Variants in NACC1 observed in about 807,000 individuals in gnomAD.
NACC1 encodes nucleus accumbens-associated protein 1.
NACC1 carries 6 observed loss-of-function variants against 41.7 expected under a neutral mutation model. The observed-to-expected ratio is 0.14, with a 90% CI of 0.08 to 0.28. The LOEUF is 0.28. NACC1 is among the 10% of genes least tolerant of loss of function. The pLI, the probability that NACC1 is intolerant of heterozygous loss-of-function variation, is 1.00. For synonymous variants in NACC1, 338 were observed against 330.6 expected (o/e 1.02, Z -0.24); for missense variants, 434 against 763.7 (o/e 0.57, Z 5.09).
In NACC1 at chr19:13,137,598, G is replaced by A. The variant is rs1442657890; in HGVS notation, c.1324+23G>A. 3 of 1,543,532 alleles carry A rather than the reference G, an allele frequency of 1.9e-6. No homozygotes were observed. Among genetic ancestry groups the A allele is most frequent in the African/African-American group, 1.4e-5 (1 of 73,002 alleles). On this transcript the variant is annotated intron_variant, in intron 5 of 5. Transcript: ENST00000292431. The surrounding 1 kb of genome is among the most constrained non-coding windows in gnomAD (Gnocchi z 6.1). The stretch of plus-strand genomic sequence containing the variant: ...AGTGTGAGTGTTGGCCCAGCTGGAC[G>A]AGGCGTGGGCCCGGGGCACGCAGGT...
rs765164702 is a variant in NACC1 at position 13,138,413 on chromosome 19, C to G, written c.*7C>G. On this transcript the variant is annotated 3_prime_UTR_variant, in exon 6 of 6. Coordinates refer to ENST00000292431, the MANE Select transcript of NACC1 (RefSeq NM_052876.4). The surrounding 1 kb of genome is among the most constrained non-coding windows in gnomAD (Gnocchi z 5.7). The stretch of plus-strand genomic sequence containing the variant: ...GGCTGAAGCCCTGCAGTAACCCGCC[C>G]AGCCTCCCGCGGGGCCACACACTTC... 3.1e-6 allele frequency: 5 copies of G among 1,607,758 alleles called. No individual in the cohort carries two copies. The African/African-American group carries it at 6.7e-5, about 21-fold the overall frequency.
chr19:13,129,149 T>A (rs1599990709), intron 1 of NACC1, among the ~76,000 whole-genome samples: 2 of 151,908 alleles, frequency 1.3e-5, no homozygotes, highest in African/African-American at 4.8e-5. Context: ...CCAGGCAGGG[T>A]GCACAGCTTG....
At position 13,135,749 on chromosome 19, in the gene NACC1, T is replaced by G; in HGVS notation, c.542T>G (p.Val181Gly). The G allele has an allele frequency of 1.3e-6, 2 of 1,559,808 alleles. No homozygotes were observed. The highest frequency in any genetic ancestry group is 8.7e-7 in the Non-Finnish European group (1 of 1,153,898). Residue 181 changes from valine to glycine, a missense_variant, in exon 2 of 6, where the codon GTG becomes GGG. This residue lies in a region of NACC1 where 234 missense variants were observed against 308.3 expected (regional missense o/e 0.76). Coordinates refer to ENST00000292431, the MANE Select transcript of NACC1 (RefSeq NM_052876.4). ...TCGGACTCCGTGCAGTGCATGCCCG[T>G]GGCCAAGCGGCTGTGGGACAGTGGC... ...QESDSVQCMP[V>G]AKRLWDSGQK... is the part of the protein sequence containing the mutation.
At position 13,138,353 on chromosome 19, in the gene NACC1, G is replaced by A. The variant is rs767257172; in HGVS notation, c.1531G>A (p.Glu511Lys). The change falls in exon 6 of 6, where the codon GAG becomes AAG. Residue 511 changes from glutamate (E) to lysine (K), a missense_variant. Transcript: ENST00000292431. The surrounding 1 kb of genome is among the most constrained non-coding windows in gnomAD (Gnocchi z 5.7). ...PDMMGVEHGFETASHEGEAGP... is the reference protein window; with the variant it reads ...PDMMGVEHGFKTASHEGEAGP... ...CATGATGGGTGTGGAGCATGGCTTC[G>A]AGACCGCCAGCCACGAGGGCGAGGC... is the stretch of plus-strand genomic sequence containing the variant. The A allele has an allele frequency of 9.9e-6, 16 of 1,613,554 alleles. No homozygotes were observed. The highest frequency in any genetic ancestry group is 1.7e-5 in the Admixed American group (1 of 60,002).
intron 1 of NACC1, among the ~76,000 whole-genome samples, chr19:13,122,534 G>GT (rs1175630398): frequency 1.3e-5 from 2 of 150,644 alleles, no homozygotes; most frequent in African/African-American, 4.9e-5. Flanking sequence ...GGGGGGGGGG[G>GT]GGTGTGCTGC....
At chr19:13,127,683 A>T (rs1206020265) in intron 1 of NACC1, among the ~76,000 whole-genome samples, 1 of 144,244 alleles carries the variant, frequency 6.9e-6, no homozygotes, top group Non-Finnish European at 1.5e-5. Flanking sequence ...CTCTGCCTCA[A>T]AAAAAAAAAG....
chr19:13,127,370 A>ATTTTTTT (rs1491187460), intron 1 of NACC1, among the ~76,000 whole-genome samples: 4 of 44,818 alleles, frequency 8.9e-5, no homozygotes, highest in Admixed American at 2.5e-4. Context: ...ATATACATAT[A>ATTTTTTT]CTTTTTTTTT....
Position 13,136,009 on chromosome 19 carries a change from A to G in NACC1, c.802A>G (p.Ser268Gly). 1 of 1,613,450 alleles carries G rather than the reference A, an allele frequency of 6.2e-7. No homozygotes were observed. Among genetic ancestry groups the G allele is most frequent in the Non-Finnish European group, 8.5e-7 (1 of 1,179,816 alleles). Residue 268 changes from serine to glycine, a missense_variant, in exon 2 of 6, where the codon AGC becomes GGC. By Grantham distance (56) the Ser-to-Gly change is moderately conservative. Around this residue, in one of 4 missense-constraint regions of NACC1, gnomAD observed 234 missense variants for 308.3 expected, o/e 0.76. Coordinates refer to ENST00000292431, the MANE Select transcript of NACC1 (RefSeq NM_052876.4). The surrounding 1 kb of genome is among the most constrained non-coding windows in gnomAD (Gnocchi z 5.5). Reference sequence around the variant, plus strand: ...GGAGCGGACCAGCCCAGGCACCTCAAGCGCCTACACCAGCGACAGCCCTGG... The same window carrying G: ...GGAGCGGACCAGCCCAGGCACCTCAGGCGCCTACACCAGCGACAGCCCTGG... ...TSERTSPGTS[S>G]AYTSDSPGSY...
In NACC1 at chr19:13,138,620, T is replaced by G; in HGVS notation, c.*214T>G. ...CAGGTGGCGTGAGGTCCGTGTTGCC[T>G]TCTTTAACACACACTCGTGCAGTGG... On this transcript the variant is annotated 3_prime_UTR_variant, in exon 6 of 6. Transcript: ENST00000292431. This position sits in a 1 kb window ranked among gnomAD's most constrained non-coding sequence, Gnocchi z 5.7. 1.5e-6 allele frequency: 1 copy of G among 652,214 alleles called. No homozygotes were observed. The highest frequency in any genetic ancestry group is 3.0e-5 in the Admixed American group (1 of 33,898). 40.4% of individuals were successfully genotyped at this position (652,214 alleles called of 1,614,324 possible).
chr19:13,138,221 G>A lies in NACC1; in HGVS notation c.1399G>A (p.Ala467Thr). ...NAIAADMCTN[A>T]RRVVRKSWMP... Reference sequence around the variant, plus strand: ...CATCGCGGCCGACATGTGCACCAACGCCCGCCGCGTCGTGCGCAAGAGCTG... The same window carrying A: ...CATCGCGGCCGACATGTGCACCAACACCCGCCGCGTCGTGCGCAAGAGCTG... The change falls in exon 6 of 6, where the codon GCC becomes ACC. Residue 467 changes from alanine (A) to threonine (T), a missense_variant. By Grantham distance (58) the Ala-to-Thr change is moderately conservative. Around this residue, in one of 4 missense-constraint regions of NACC1, gnomAD observed 70 missense variants for 206.9 expected, o/e 0.34. Coordinates refer to ENST00000292431, the MANE Select transcript of NACC1 (RefSeq NM_052876.4). The surrounding 1 kb of genome is among the most constrained non-coding windows in gnomAD (Gnocchi z 5.7). 6.2e-7 allele frequency: 1 copy of A among 1,614,216 alleles called. No homozygotes were observed.
intron 1 of NACC1, among the ~76,000 whole-genome samples, chr19:13,122,513 T>G (rs2019509160): frequency 7.6e-6 from 1 of 131,802 alleles, no homozygotes; most frequent in East Asian, 2.1e-4. Flanking sequence ...ACATTTTTGG[T>G]TGCCCCTGCC....
chr19:13,126,287 G>A (rs1205910200), intron 1 of NACC1, among the ~76,000 whole-genome samples: 3 of 152,106 alleles, frequency 2.0e-5, no homozygotes, highest in African/African-American at 4.8e-5. Context: ...TCGTGACCTC[G>A]TGATCCGCCC....
chr19:13,135,479 G>A lies in NACC1; in HGVS notation c.272G>A (p.Ser91Asn), dbSNP rs2145623247. The A allele has an allele frequency of 6.2e-7, 1 of 1,613,704 alleles. No homozygotes were observed. Among genetic ancestry groups the A allele is most frequent in the Non-Finnish European group, 8.5e-7 (1 of 1,179,948 alleles). ...ILSFCYTGRL[S>N]MNVGDQFLLM... ...AGCTTCTGCTACACGGGCCGGCTGAGCATGAACGTGGGCGACCAGTTCCTG... is the reference window on the plus strand; with the variant it reads ...AGCTTCTGCTACACGGGCCGGCTGAACATGAACGTGGGCGACCAGTTCCTG... The change falls in exon 2 of 6, where the codon AGC becomes AAC. Residue 91 changes from serine to asparagine, a missense_variant. Ser to Asn is a conservative substitution (Grantham distance 46). Around this residue, in one of 4 missense-constraint regions of NACC1, gnomAD observed 67 missense variants for 180.1 expected, o/e 0.37. Transcript: ENST00000292431.
intron 1 of NACC1, among the ~76,000 whole-genome samples, chr19:13,121,604 G>A (rs1242065423): frequency 6.6e-6 from 1 of 152,162 alleles, no homozygotes; most frequent in Non-Finnish European, 1.5e-5. Flanking sequence ...GAGAGAGTTT[G>A]GGGTTGGCCC....
Position 13,138,457 on chromosome 19 carries a change from A to G in NACC1, c.*51A>G, listed in dbSNP as rs759334903. The G allele has an allele frequency of 2.5e-6, 4 of 1,587,106 alleles. No individual in the cohort carries two copies. In the South Asian group the frequency reaches 3.3e-5, roughly 13 times the overall value. ...ACACTTCCCCTCCCAACACACACAC[A>G]CACCTGCCATCTTGGTCATGAGCTA... On this transcript the variant is annotated 3_prime_UTR_variant, in exon 6 of 6. Transcript: ENST00000292431. This position sits in a 1 kb window ranked among gnomAD's most constrained non-coding sequence, Gnocchi z 5.7.
At chr19:13,121,708 G>A (rs1013176202) in intron 1 of NACC1, among the ~76,000 whole-genome samples, 3 of 152,112 alleles carry the variant, frequency 2.0e-5, no homozygotes, top group African/African-American at 7.2e-5. Context: ...ATTGCTTTTG[G>A]GATGGTGGTG....
In NACC1 at chr19:13,138,358, C is replaced by G; in HGVS notation, c.1536C>G (p.Thr512=). The change falls in exon 6 of 6, where the codon ACC becomes ACG. Residue 512 remains threonine (T), a synonymous_variant. Transcript: ENST00000292431. This position sits in a 1 kb window ranked among gnomAD's most constrained non-coding sequence, Gnocchi z 5.7. The stretch of plus-strand genomic sequence containing the variant: ...TGGGTGTGGAGCATGGCTTCGAGAC[C>G]GCCAGCCACGAGGGCGAGGCGGGTC... ...DMMGVEHGFE[T]ASHEGEAGPS... 2 of 1,613,570 alleles carry G rather than the reference C, an allele frequency of 1.2e-6. No individual in the cohort carries two copies. The highest frequency in any genetic ancestry group is 1.7e-6 in the Non-Finnish European group (2 of 1,179,990).
Position 13,120,988 on chromosome 19 carries a change from G to A in NACC1, c.-9+2534G>A, listed in dbSNP as rs147479918. Among the ~76,000 whole-genome samples the A allele has an allele frequency of 7.9e-5, 12 of 152,318 alleles. No homozygotes were observed. In the East Asian group the frequency reaches 1.9e-3, roughly 24 times the overall value. On this transcript the variant is annotated intron_variant, in intron 1 of 5. Transcript: ENST00000292431. ...CCGCTGGGGGCTGGGGAAGCATCCC[G>A]GAGTAACAGATCCAGAGCAGCTAGC...
At chr19:13,127,370 A>ATTTTTTTTTT (rs1491187460) in intron 1 of NACC1, among the ~76,000 whole-genome samples, 3 of 44,816 alleles carry the variant, frequency 6.7e-5, no homozygotes, top group African/African-American at 2.3e-4. Context: ...ATATACATAT[A>ATTTTTTTTTT]CTTTTTTTTT....
Sources: gnomAD v4.1 joint callset for allele counts (sites outside exome capture counted in the v4.1 genomes callset) on GRCh38, gnomAD v4.1.1 for gene constraint, gnomAD v4.1.1 regional missense constraint, Gnocchi (gnomAD v3.1) non-coding constraint, MANE v1.5 for transcripts, NCBI Gene and HGNC (gene_info 2026-07-23, HGNC 2026-07-21) for gene names.